ATIC: variants seen among roughly 807,000 people sequenced by gnomAD.
ATIC encodes 5-aminoimidazole-4-carboxamide ribonucleotide formyltransferase/IMP cyclohydrolase.
Under a neutral mutation model 72.5 loss-of-function variants are expected in ATIC, and 64 were observed. The observed-to-expected ratio is 0.88, with a 90% confidence interval of 0.72 to 1.09. The LOEUF (loss-of-function observed/expected upper bound fraction) is 1.09. Ranked by LOEUF, ATIC falls within the 50% of genes least tolerant of loss-of-function variation. ATIC has a pLI of 0.00. For synonymous variants in ATIC, 281 were observed against 267.1 expected, an observed-to-expected ratio of 1.05 and a Z score of -0.51; for missense variants, 787 against 732.4, an observed-to-expected ratio of 1.07 and a Z score of -0.86.
intron 11 of ATIC, among the ~76,000 whole-genome samples, chr2:215,336,594 C>T (rs918907949): frequency 6.6e-6 from 1 of 152,188 alleles, no homozygotes; most frequent in Non-Finnish European, 1.5e-5. Context: ...CTGAAATAGT[C>T]TATGTATTCA....
At chr2:215,321,089 C>T in intron 4 of ATIC, among the ~76,000 whole-genome samples, 1 of 152,170 alleles carries the variant, frequency 6.6e-6, no homozygotes, top group South Asian at 2.1e-4. Context: ...AATATTAAAA[C>T]ATATTCATCA....
At chr2:215,317,088 G>A (rs578189703) in intron 2 of ATIC, among the ~76,000 whole-genome samples, 1 of 152,080 alleles carries the variant, frequency 6.6e-6, no homozygotes, top group Non-Finnish European at 1.5e-5. Flanking sequence ...CTTATATATT[G>A]TGGGCATTTT....
chr2:215,362,236 A>G, the ATIC span: 3 of 668,548 alleles, frequency 4.5e-6, no homozygotes. Context: ...TCATGCATTT[A>G]TAACTCTTAA....
rs755898039 is a variant in ATIC, at chr2:215,336,111, A to G, written c.1085A>G (p.Tyr362Cys). 1.2e-5 allele frequency: 20 copies of G among 1,611,458 alleles called. 1 individual carries two copies. The highest frequency in any genetic ancestry group is 3.3e-5 in the Admixed American group (2 of 59,996). ...TILSKKKNGN[Y>C]CVLQMDQSYK... ...CTTTCCAAAAAGAAAAATGGAAACTATTGTGTCCTTCAGGTGAGTGCAATT... is the reference window on the plus strand; with the variant it reads ...CTTTCCAAAAAGAAAAATGGAAACTGTTGTGTCCTTCAGGTGAGTGCAATT... The change falls in exon 11 of 16, where the codon TAT becomes TGT. Residue 362 changes from tyrosine (Y) to cysteine (C), a missense_variant. Coordinates refer to ENST00000236959, the MANE Select transcript of ATIC (RefSeq NM_004044.7).
intron 12 of ATIC, among the ~76,000 whole-genome samples, chr2:215,343,847 A>G (rs2053044919): frequency 6.6e-6 from 1 of 152,234 alleles, no homozygotes; most frequent in Admixed American, 6.5e-5. Flanking sequence ...CATTTAGCAT[A>G]CAGACGTGGA....
the ATIC span, among the ~76,000 whole-genome samples, chr2:215,359,179 C>T: frequency 1.3e-4 from 20 of 152,298 alleles, no homozygotes; most frequent in Admixed American, 3.3e-4. Context: ...CCACCCTTCC[C>T]GGCCCTTACA....
chr2:215,364,969 A>G, the ATIC span: 505,069 of 1,573,182 alleles, frequency 0.32, 85,237 homozygotes, highest in South Asian at 0.49. Flanking sequence ...TCCCATCATC[A>G]TAACACGTTG....
Position 215,332,484 on chromosome 2 carries a change from C to G in ATIC, c.791C>G (p.Ser264Cys), listed in dbSNP as rs753965140. Residue 264 changes from serine (S) to cysteine (C), a missense_variant, in exon 8 of 16, where the codon TCT becomes TGT. Ser to Cys is a moderately radical substitution (Grantham distance 112). Transcript: ENST00000236959. ...KEALGIPAAA[S>C]FKHVSPAGAA... is the part of the protein sequence containing the mutation. ...GCTTTAGGTATTCCAGCCGCTGCCTCTTTCAAACATGTCAGCCCAGCAGGT... is the reference window on the plus strand; with the variant it reads ...GCTTTAGGTATTCCAGCCGCTGCCTGTTTCAAACATGTCAGCCCAGCAGGT... The G allele has an allele frequency of 1.9e-6, 3 of 1,613,982 alleles. No individual in the cohort carries two copies. The South Asian group carries it at 3.3e-5, about 18-fold the overall frequency.
intron 8 of ATIC, 95 bp from the exon 9 acceptor site, chr2:215,333,255 C>G: frequency 1.0e-6 from 1 of 999,552 alleles, no homozygotes; most frequent in African/African-American, 1.6e-5. Context: ...AAATGTGCTG[C>G]GTAGACTGGG....
intron 4 of ATIC, among the ~76,000 whole-genome samples, chr2:215,322,090 A>G (rs890420957): frequency 2.0e-5 from 3 of 147,206 alleles, no homozygotes; most frequent in Non-Finnish European, 1.5e-5. Flanking sequence ...TTTAATAGAG[A>G]TAGGGTTTCA....
intron 4 of ATIC, among the ~76,000 whole-genome samples, chr2:215,322,728 A>G (rs1374112631): frequency 6.6e-6 from 1 of 152,140 alleles, no homozygotes; most frequent in African/African-American, 2.4e-5. Flanking sequence ...CATGAAATAG[A>G]AGTCTTATTT....
In ATIC at chr2:215,349,667, A is replaced by C; in HGVS notation, c.*12A>C. 1 of 1,613,996 alleles carries C rather than the reference A, an allele frequency of 6.2e-7. No individual in the cohort carries two copies. Among genetic ancestry groups the C allele is most frequent in the Non-Finnish European group, 8.5e-7 (1 of 1,180,006 alleles). On this transcript the variant is annotated 3_prime_UTR_variant, in exon 16 of 16. Transcript: ENST00000236959. ...TCTTCCACCACTGATTTTACCACAC[A>C]CTGTTTTTTGGCTTGCTTATGTGTA... is the stretch of plus-strand genomic sequence containing the variant.
At chr2:215,337,160 T>C (rs955723336) in intron 11 of ATIC, among the ~76,000 whole-genome samples, 2 of 152,034 alleles carry the variant, frequency 1.3e-5, no homozygotes, top group East Asian at 1.9e-4. Context: ...AGATTATGCA[T>C]TGATAAAGCA....
chr2:215,336,520 A>G (rs1309535567), intron 11 of ATIC, among the ~76,000 whole-genome samples: 1 of 152,250 alleles, frequency 6.6e-6, no homozygotes, highest in African/African-American at 2.4e-5. Flanking sequence ...TTTAATGGAA[A>G]GTCTCTCCAT....
chr2:215,326,750 G>T (rs2052830995), intron 6 of ATIC, 72 bp from the exon 7 acceptor site: 1 of 1,572,970 alleles, frequency 6.4e-7, no homozygotes, highest in African/African-American at 1.4e-5. Flanking sequence ...GTTTGCTGTG[G>T]ACGTAGAAAA....
intron 4 of ATIC, among the ~76,000 whole-genome samples, chr2:215,324,130 C>G (rs1481537489): frequency 2.0e-5 from 3 of 152,204 alleles, no homozygotes; most frequent in Non-Finnish European, 4.4e-5. Flanking sequence ...CTTCTGACCT[C>G]AGGTGATCTG....
At chr2:215,350,631 C>G (rs2053123378), downstream of ATIC, among the ~76,000 whole-genome samples, 2 of 152,206 alleles carry the variant, frequency 1.3e-5, no homozygotes, top group Non-Finnish European at 1.5e-5. Context: ...GCCCGAGATT[C>G]ACCCTCTGGA....
the ATIC span, among the ~76,000 whole-genome samples, chr2:215,359,987 G>A: frequency 1.3e-5 from 2 of 152,038 alleles, no homozygotes; most frequent in African/African-American, 4.8e-5. Flanking sequence ...CCCCCATGCT[G>A]GAGTTCAATG....
At chr2:215,330,448 G>A (rs1880586) in intron 7 of ATIC, among the ~76,000 whole-genome samples, 78,998 of 151,906 alleles carry the variant, frequency 0.52, 21,059 homozygotes, top group East Asian at 0.78. Context: ...AGTTTCTCCT[G>A]TTAACATCAT....
Sources: allele counts gnomAD v4.1 joint callset (sites outside exome capture counted in the v4.1 genomes callset), GRCh38; gene constraint gnomAD v4.1.1; transcripts MANE v1.5; gene names NCBI Gene and HGNC (gene_info 2026-07-23, HGNC 2026-07-21).